The following ENPP2 variants were observed in gnomAD, a reference collection of about 807,000 sequenced individuals.
ENPP2 encodes ectonucleotide pyrophosphatase/phosphodiesterase 2.
ENPP2 carries 51 observed loss-of-function variants against 120.2 expected under a neutral mutation model. That is an observed-to-expected ratio of 0.42 (90% CI 0.34 to 0.54). The LOEUF (loss-of-function observed/expected upper bound fraction) is 0.54, where lower values mean the gene tolerates loss of function less well. Among genes scored for constraint, ENPP2 ranks in the 20% least tolerant of loss-of-function variants. The pLI, the probability that ENPP2 is intolerant of heterozygous loss-of-function variation, is 0.04. For synonymous variants in ENPP2, 365 were observed against 366.4 expected (o/e 1.00, Z 0.04); for missense variants, 920 against 1,066.5 (o/e 0.86, Z 1.91).
chr8:119,579,173 T>C (rs1249645770), intron 19 of ENPP2, among the ~76,000 whole-genome samples: 1 of 152,222 alleles, frequency 6.6e-6, no homozygotes, highest in Non-Finnish European at 1.5e-5. Context: ...TCCAATTTTG[T>C]GAAACTTCAC....
At chr8:119,600,826 G>A (rs1013987458) in intron 10 of ENPP2, 76 bp from the exon 11 acceptor site, 15 of 849,600 alleles carry the variant, frequency 1.8e-5, no homozygotes, top group Middle Eastern at 2.4e-4. Context: ...TTTAAAAAAC[G>A]CATTTAAAAA....
Position 119,564,901 on chromosome 8 carries a change from T to C in ENPP2, c.2186A>G (p.Asn729Ser). Residue 729 changes from asparagine to serine, a missense_variant, in exon 23 of 25, where the codon AAT becomes AGT. Physicochemically the swap from Asn to Ser is conservative, Grantham distance 46. Transcript: ENST00000075322. ...VLVKKYASER[N>S]GVNVISGPIF... is the part of the protein sequence containing the mutation. ...TGGTCCACTTATCACGTTAACTCCA[T>C]TTCTTTCCGAAGCATATTTCTTCAC... 1 of 1,613,182 alleles carries C rather than the reference T, an allele frequency of 6.2e-7. No individual in the cohort carries two copies. Among genetic ancestry groups the C allele is most frequent in the Non-Finnish European group, 8.5e-7 (1 of 1,179,254 alleles).
chr8:119,644,647 C>CAT (rs1205689473), intron 1 of ENPP2, among the ~76,000 whole-genome samples: 121 of 105,270 alleles, frequency 1.1e-3, no homozygotes, highest in African/African-American at 4.3e-3. Flanking sequence ...CACACACACA[C>CAT]ATATAGATAT....
At position 119,580,157 on chromosome 8, in the gene ENPP2, TC is replaced by T. The variant is rs1563689184; in HGVS notation, c.1738del (p.Asp580MetfsTer48). On this transcript the variant is annotated frameshift_variant, in exon 19 of 25. Transcript: ENST00000075322. LOFTEE classifies it high-confidence loss of function. ...TGTATGAAGCCGTTTGTTGAGTTCA[TC>T]CAACTTGTTCTTCATGTGTGAAAAC... ...DDKVEPKNKL[D>X]ELNKRLHTKG... is the part of the protein sequence containing the mutation. 1 of 1,612,890 alleles carries T rather than the reference TC, an allele frequency of 6.2e-7. No homozygotes were observed. The highest frequency in any genetic ancestry group is 1.7e-5 in the Admixed American group (1 of 60,016).
intron 2 of ENPP2, among the ~76,000 whole-genome samples, chr8:119,632,224 T>G (rs1338368720): frequency 1.3e-5 from 2 of 152,196 alleles, no homozygotes; most frequent in African/African-American, 2.4e-5. Context: ...GGATGAAAAC[T>G]GAAACATCAA....
At chr8:119,559,507 G>A (rs763482228) in intron 24 of ENPP2, among the ~76,000 whole-genome samples, 3 of 152,104 alleles carry the variant, frequency 2.0e-5, no homozygotes, top group Admixed American at 6.6e-5. Flanking sequence ...AGTCTCTTCC[G>A]GTTCTCACAC....
At chr8:119,672,213 C>A (rs1395883264) in intron 1 of ENPP2, among the ~76,000 whole-genome samples, 3 of 152,164 alleles carry the variant, frequency 2.0e-5, no homozygotes, top group African/African-American at 7.2e-5. Context: ...ACTGAGGTGG[C>A]AGCCAGAGGT....
At chr8:119,646,688 T>A (rs1053867676) in intron 1 of ENPP2, among the ~76,000 whole-genome samples, 2 of 152,214 alleles carry the variant, frequency 1.3e-5, no homozygotes, top group African/African-American at 4.8e-5. Flanking sequence ...GAGTATTACA[T>A]GAAATAATCC....
chr8:119,670,175 G>A (rs1818199048), intron 1 of ENPP2, among the ~76,000 whole-genome samples: 1 of 152,208 alleles, frequency 6.6e-6, no homozygotes, highest in African/African-American at 2.4e-5. Flanking sequence ...GGGAAGGTTA[G>A]GATAGGTGCA....
intron 1 of ENPP2, among the ~76,000 whole-genome samples, chr8:119,662,581 T>G (rs1001826186): frequency 6.6e-6 from 1 of 151,914 alleles, no homozygotes; most frequent in Non-Finnish European, 1.5e-5. Context: ...CAGATCTACA[T>G]ATTTCTATTT....
chr8:119,596,628 C>G (rs1813912491), intron 11 of ENPP2, among the ~76,000 whole-genome samples: 1 of 152,164 alleles, frequency 6.6e-6, no homozygotes, highest in African/African-American at 2.4e-5. Flanking sequence ...TCAGGACTTT[C>G]AGCAGGAGAG....
intron 24 of ENPP2, among the ~76,000 whole-genome samples, chr8:119,559,196 CT>C (rs1813718293): frequency 6.6e-6 from 1 of 152,100 alleles, no homozygotes. Context: ...CAGTGTGACC[CT>C]ATAATTAACG....
chr8:119,633,344 G>A (rs536611397), intron 2 of ENPP2, among the ~76,000 whole-genome samples: 18 of 152,286 alleles, frequency 1.2e-4, no homozygotes, highest in Admixed American at 1.0e-3. Context: ...TCCTGTTTAT[G>A]ATACTGCTCT....
intron 1 of ENPP2, among the ~76,000 whole-genome samples, chr8:119,650,104 G>C (rs747320875): frequency 1.3e-5 from 2 of 152,178 alleles, no homozygotes; most frequent in African/African-American, 2.4e-5. Flanking sequence ...ACCAACTGAT[G>C]AATGGATAAA....
At chr8:119,652,557 A>G (rs1479089976) in intron 1 of ENPP2, among the ~76,000 whole-genome samples, 1 of 152,168 alleles carries the variant, frequency 6.6e-6, no homozygotes, top group Non-Finnish European at 1.5e-5. Flanking sequence ...CAGAATTGAG[A>G]TCCCTCTTCC....
chr8:119,595,685 T>C (rs1423122525), intron 11 of ENPP2, among the ~76,000 whole-genome samples: 1 of 152,186 alleles, frequency 6.6e-6, no homozygotes, highest in Non-Finnish European at 1.5e-5. Flanking sequence ...TTCACATCAG[T>C]GTTAACCTCT....
chr8:119,584,279 T>A (rs543538219), intron 15 of ENPP2, among the ~76,000 whole-genome samples: 2 of 152,298 alleles, frequency 1.3e-5, no homozygotes, highest in South Asian at 4.2e-4. Context: ...GAAGTCACGA[T>A]GCCCTCCTTG....
intron 9 of ENPP2, among the ~76,000 whole-genome samples, chr8:119,601,936 G>C (rs557606341): frequency 6.6e-6 from 1 of 152,194 alleles, no homozygotes; most frequent in Non-Finnish European, 1.5e-5. Context: ...CAGCTTGGTT[G>C]TAAGGATGAA....
At chr8:119,561,780 T>C (rs1030143574) in intron 24 of ENPP2, among the ~76,000 whole-genome samples, 1 of 149,910 alleles carries the variant, frequency 6.7e-6, no homozygotes, top group African/African-American at 2.5e-5. Flanking sequence ...TCTCGCTTGC[T>C]CTTGCTTTGT....
Sources: gnomAD v4.1 joint callset for allele counts (sites outside exome capture counted in the v4.1 genomes callset) on GRCh38, gnomAD v4.1.1 for gene constraint, MANE v1.5 for transcripts, NCBI Gene and HGNC (gene_info 2026-07-23, HGNC 2026-07-21) for gene names.